Variants in GALK2 observed in about 807,000 individuals in gnomAD.
The protein encoded by GALK2 is galactokinase 2, also known as N-acetylgalactosamine kinase.
Under a neutral mutation model 52.4 loss-of-function variants are expected in GALK2, and 36 were observed. The ratio of observed to expected loss-of-function variants is 0.69; its 90% confidence interval spans 0.53 to 0.91. The LOEUF is 0.91. Ranked by LOEUF, GALK2 falls within the 40% of genes least tolerant of loss-of-function variation. The pLI, the probability that GALK2 is intolerant of heterozygous loss-of-function variation, is 0.00. For missense variants in GALK2, 579 were observed against 559.1 expected (o/e 1.04, Z -0.36); for synonymous variants, 176 against 199.1 (o/e 0.88, Z 0.98).
At chr15:49,224,574 T>C (rs960105995) in intron 3 of GALK2, among the ~76,000 whole-genome samples, 1 of 152,244 alleles carries the variant, frequency 6.6e-6, no homozygotes, top group Non-Finnish European at 1.5e-5. Context: ...CACCATTTAT[T>C]GAATAGGGAG....
intron 3 of GALK2, among the ~76,000 whole-genome samples, chr15:49,219,289 T>C (rs368168060): frequency 6.6e-6 from 1 of 152,138 alleles, no homozygotes; most frequent in African/African-American, 2.4e-5. Flanking sequence ...ATAAGTCTCA[T>C]GAGATCTGAT....
At chr15:49,298,251 T>G (rs894243799) in intron 8 of GALK2, among the ~76,000 whole-genome samples, 5 of 152,174 alleles carry the variant, frequency 3.3e-5, no homozygotes, top group African/African-American at 1.2e-4. Flanking sequence ...TACTACTGAT[T>G]TTTGTACATG....
chr15:49,329,574 G>C lies in GALK2; in HGVS notation c.*1415G>C. The C allele has an allele frequency of 1.0e-6, 1 of 983,578 alleles. No homozygotes were observed. The highest frequency in any genetic ancestry group is 1.2e-6 in the Non-Finnish European group (1 of 828,318). The allele number at this position is 983,578 out of a possible 1,614,324, so 60.9% of individuals were successfully genotyped here. A position where few individuals can be genotyped will look rare whatever the true frequency, so the allele number is the denominator to read the frequency against. Reference sequence around the variant, plus strand: ...CAGTCATACATAGAATACTAGGAAAGCCAATATTCTATTTAAAAATAAACT... The same window carrying C: ...CAGTCATACATAGAATACTAGGAAACCCAATATTCTATTTAAAAATAAACT... On this transcript the variant is annotated 3_prime_UTR_variant, in exon 10 of 10. Coordinates refer to ENST00000560031, the MANE Select transcript of GALK2 (RefSeq NM_002044.4).
intron 3 of GALK2, among the ~76,000 whole-genome samples, chr15:49,357,299 G>A (rs1174606446): frequency 1.3e-5 from 2 of 150,598 alleles, no homozygotes; most frequent in South Asian, 2.1e-4. Flanking sequence ...TCCAGGAGCT[G>A]GTTTTTTGAA....
At chr15:49,335,572 C>T (rs2039562147), downstream of GALK2, 1 of 1,017,806 alleles carries the variant, frequency 9.8e-7, no homozygotes, top group Non-Finnish European at 1.5e-6. Context: ...CACAGAGGAA[C>T]CAAGGGGACC....
At chr15:49,294,914 G>A (rs1185881794) in intron 8 of GALK2, among the ~76,000 whole-genome samples, 1 of 152,140 alleles carries the variant, frequency 6.6e-6, no homozygotes, top group African/African-American at 2.4e-5. Flanking sequence ...TGAAGACAAA[G>A]TAGCACAAGG....
intron 1 of GALK2, among the ~76,000 whole-genome samples, chr15:49,192,473 TTA>T (rs1228381589): frequency 3.6e-5 from 3 of 82,394 alleles, no homozygotes; most frequent in Non-Finnish European, 7.5e-5. Context: ...GCAATGAATA[TTA>T]TATATATATG....
intron 8 of GALK2, among the ~76,000 whole-genome samples, chr15:49,305,065 T>A (rs1336244253): frequency 6.6e-6 from 1 of 152,180 alleles, no homozygotes; most frequent in Non-Finnish European, 1.5e-5. Context: ...TCTGTAGTCC[T>A]TTTTCAAAGT....
chr15:49,243,517 G>A (rs1041331174), intron 5 of GALK2, among the ~76,000 whole-genome samples: 1 of 152,034 alleles, frequency 6.6e-6, no homozygotes, highest in Non-Finnish European at 1.5e-5. Flanking sequence ...CTTGTTAGAA[G>A]CCCATTTACA....
intron 3 of GALK2, among the ~76,000 whole-genome samples, chr15:49,346,029 C>CT (rs2041432545): frequency 6.7e-6 from 1 of 149,304 alleles, no homozygotes; most frequent in Non-Finnish European, 1.5e-5. Flanking sequence ...GCCCTGCTTG[C>CT]TTTTGGTCAC....
At chr15:49,246,952 T>G (rs1199400415) in intron 5 of GALK2, among the ~76,000 whole-genome samples, 1 of 152,186 alleles carries the variant, frequency 6.6e-6, no homozygotes, top group Admixed American at 6.5e-5. Context: ...GGAGTTTCCA[T>G]ATTGGCAGAA....
intron 8 of GALK2, among the ~76,000 whole-genome samples, chr15:49,310,045 C>A (rs183747853): frequency 2.6e-5 from 4 of 152,330 alleles, no homozygotes; most frequent in Non-Finnish European, 4.4e-5. Context: ...TCCCCCACTA[C>A]CCTTCCTGGC....
chr15:49,251,780 T>G (rs909418261), intron 5 of GALK2, among the ~76,000 whole-genome samples: 16 of 152,170 alleles, frequency 1.1e-4, no homozygotes, highest in African/African-American at 3.9e-4. Flanking sequence ...AGCTTTATTT[T>G]TATGCTTTAT....
At chr15:49,303,797 G>T (rs2035317888) in intron 8 of GALK2, among the ~76,000 whole-genome samples, 3 of 152,152 alleles carry the variant, frequency 2.0e-5, no homozygotes, top group Admixed American at 1.3e-4. Context: ...TGCTTCTTTG[G>T]CTCTAGCCTT....
intron 4 of GALK2, 22 bp from the exon 5 acceptor site, chr15:49,239,199 C>G: frequency 4.4e-6 from 7 of 1,608,856 alleles, no homozygotes; most frequent in Non-Finnish European, 5.1e-6. Context: ...ATTACTGTTG[C>G]TGTTTTTCCT....
chr15:49,322,429 A>G (rs1424452303), intron 9 of GALK2, among the ~76,000 whole-genome samples: 1 of 152,106 alleles, frequency 6.6e-6, no homozygotes, highest in Non-Finnish European at 1.5e-5. Context: ...CTTCTTATAT[A>G]ATTAATTTTT....
In GALK2 at chr15:49,206,129, A is replaced by C. The variant is rs1440170717; in HGVS notation, c.142+4879A>C. 2.0e-5 allele frequency among the ~76,000 whole-genome samples: 3 copies of C among 152,082 alleles called. No homozygotes were observed. In the East Asian group the frequency reaches 5.8e-4, roughly 29 times the overall value. On this transcript the variant is annotated intron_variant, in intron 2 of 9. Coordinates refer to ENST00000560031, the MANE Select transcript of GALK2 (RefSeq NM_002044.4). The stretch of plus-strand genomic sequence containing the variant: ...TACTAGTACCACGCTGTTTTGGTTG[A>C]CTATGGCCTAATGGTATAGTTTGAA...
At chr15:49,176,887 C>T (rs1283975616) in intron 1 of GALK2, among the ~76,000 whole-genome samples, 1 of 152,080 alleles carries the variant, frequency 6.6e-6, no homozygotes, top group Non-Finnish European at 1.5e-5. Flanking sequence ...TATTTAGAAC[C>T]ATTTATAAAA....
At chr15:49,170,561 C>T (rs2085003775) in intron 1 of GALK2, 186 bp downstream of exon 1, 5 of 598,060 alleles carry the variant, frequency 8.4e-6, no homozygotes, top group African/African-American at 3.7e-5. Flanking sequence ...CACATTCTAC[C>T]TTGACTACTA....
Sources: allele counts gnomAD v4.1 joint callset (sites outside exome capture counted in the v4.1 genomes callset), GRCh38; gene constraint gnomAD v4.1.1; transcripts MANE v1.5; gene names NCBI Gene and HGNC (gene_info 2026-07-23, HGNC 2026-07-21).